The following XRCC2 variants were observed in gnomAD, a reference collection of about 807,000 sequenced individuals.
The protein encoded by XRCC2 is X-ray repair cross complementing 2.
A neutral mutation model predicts 27.3 loss-of-function variants in XRCC2; 24 were observed. The ratio of observed to expected loss-of-function variants is 0.88; its 90% CI spans 0.64 to 1.24. The LOEUF is 1.24. Among genes scored for constraint, XRCC2 ranks in the 50% most tolerant of loss-of-function variants. The probability of loss-of-function intolerance (pLI) is 0.00; values close to 1 mark genes in which losing one functional copy is unlikely to be tolerated. For missense variants in XRCC2, 321 were observed against 325.8 expected (o/e 0.99, Z 0.11); for synonymous variants, 106 against 115.4 (o/e 0.92, Z 0.52).
intron 1 of XRCC2, among the ~76,000 whole-genome samples, chr7:152,667,211 C>T (rs3218429): frequency 5.4e-4 from 82 of 151,356 alleles, no homozygotes; most frequent in African/African-American, 1.9e-3. Context: ...AGTTCGAGAC[C>T]AGCCTGACCA....
chr7:152,674,260 C>T (rs2098039383), intron 1 of XRCC2, among the ~76,000 whole-genome samples: 1 of 152,094 alleles, frequency 6.6e-6, no homozygotes, highest in South Asian at 2.1e-4. Flanking sequence ...TTTTTGGATA[C>T]AAGGCTTGTT....
rs949072067 is a variant in XRCC2 at position 152,653,103 on chromosome 7, G to A, written c.122-3740C>T. ...ACGTATTGTGGGAGGGACCCAGTGG[G>A]GGTAATTGAATCATGGGGGCGGGTC... On this transcript the variant is annotated intron_variant, in intron 2 of 2. Transcript: ENST00000359321. Among the ~76,000 whole-genome samples, 5 of 152,214 alleles carry A rather than the reference G, an allele frequency of 3.3e-5. No homozygotes were observed. The South Asian group carries it at 8.3e-4, about 25-fold the overall frequency.
chr7:152,653,967 A>C (rs1302496446), intron 2 of XRCC2, among the ~76,000 whole-genome samples: 2 of 152,110 alleles, frequency 1.3e-5, no homozygotes, highest in African/African-American at 4.8e-5. Context: ...AGGCTGAGGC[A>C]GGTGGATCAC....
In XRCC2 at chr7:152,647,223, A is replaced by G. The variant is rs774091481; in HGVS notation, c.*1419T>C. The G allele has an allele frequency of 1.3e-5, 2 of 152,130 alleles. No individual in the cohort carries two copies. Among genetic ancestry groups the G allele is most frequent in the Non-Finnish European group, 2.9e-5 (2 of 68,018 alleles). 9.4% of individuals were successfully genotyped at this position (152,130 alleles called of 1,614,324 possible). ...GTCTTCTTTTGAAAAGTGTCTGTTCATGTCCTTTGCCCACTTTTTAATGGG... is the reference window on the plus strand; with the variant it reads ...GTCTTCTTTTGAAAAGTGTCTGTTCGTGTCCTTTGCCCACTTTTTAATGGG... On this transcript the variant is annotated 3_prime_UTR_variant, in exon 3 of 3. Coordinates refer to ENST00000359321, the MANE Select transcript of XRCC2 (RefSeq NM_005431.2).
At chr7:152,655,881 A>G (rs1237410204) in intron 2 of XRCC2, among the ~76,000 whole-genome samples, 1 of 151,886 alleles carries the variant, frequency 6.6e-6, no homozygotes, top group Non-Finnish European at 1.5e-5. Context: ...GCATGGTAGC[A>G]TCTGCCTGTA....
chr7:152,664,319 ATTAAG>A (rs978650399), intron 1 of XRCC2, among the ~76,000 whole-genome samples: 10 of 152,164 alleles, frequency 6.6e-5, no homozygotes, highest in East Asian at 3.9e-4. Context: ...TGTCAACTAG[ATTAAG>A]TTAAGAGATG....
intron 1 of XRCC2, among the ~76,000 whole-genome samples, chr7:152,673,374 G>A (rs749354223): frequency 6.6e-6 from 1 of 151,738 alleles, no homozygotes; most frequent in Admixed American, 6.6e-5. Flanking sequence ...AGTAGAGACA[G>A]GGTTTCTCTC....
At position 152,648,880 on chromosome 7, in the gene XRCC2, G is replaced by A. The variant is rs1334975765; in HGVS notation, c.605C>T (p.Ala202Val). Reference protein sequence around the residue: ...FATTQTIMQKASSSSEEPSHA... With the variant: ...FATTQTIMQKVSSSSEEPSHA... ...AGAAGGTTCTTCTGATGAGCTCGAG[G>A]CTTTCTGCATTATAGTTTGTGTCGT... Residue 202 changes from alanine to valine, a missense_variant, in exon 3 of 3, where the codon GCC becomes GTC. Ala to Val is a moderately conservative substitution (Grantham distance 64, BLOSUM62 0). Transcript: ENST00000359321. 1.2e-5 allele frequency: 19 copies of A among 1,614,014 alleles called. No individual in the cohort carries two copies. Among genetic ancestry groups the A allele is most frequent in the Non-Finnish European group, 1.5e-5 (18 of 1,180,010 alleles).
chr7:152,674,740 AATATATTTTT>A (rs1640103278), intron 1 of XRCC2, among the ~76,000 whole-genome samples: 3 of 6,018 alleles, frequency 5.0e-4, no homozygotes, highest in African/African-American at 3.2e-3. Flanking sequence ...ATTATATATA[AATATATTTTT>A]AAATATATAT....
intron 1 of XRCC2, among the ~76,000 whole-genome samples, chr7:152,670,634 TG>T (rs891583152): frequency 6.6e-6 from 1 of 152,080 alleles, no homozygotes; most frequent in Non-Finnish European, 1.5e-5. Context: ...AGTCTCACTC[TG>T]TCACCCAGGC....
At chr7:152,655,140 A>C (rs1408808624) in intron 2 of XRCC2, among the ~76,000 whole-genome samples, 2 of 152,180 alleles carry the variant, frequency 1.3e-5, no homozygotes, top group African/African-American at 4.8e-5. Flanking sequence ...TATTAAACTA[A>C]ATCAGAAAAT....
At chr7:152,666,613 ATTCT>A (rs1239312134) in intron 1 of XRCC2, among the ~76,000 whole-genome samples, 8 of 146,768 alleles carry the variant, frequency 5.5e-5, no homozygotes, top group Non-Finnish European at 9.0e-5. Flanking sequence ...AAAAATACAG[ATTCT>A]TTATTTTTTT....
rs112146455 is a variant in XRCC2 at position 152,649,224 on chromosome 7, A to G, written c.261T>C (p.Phe87=). ...GAATTGTAACTAGCCGGAGCATATC[A>G]AAGTGGTAATCTGTATCAATAAATA... ...EVLFIDTDYH[F]DMLRLVTILE... The change falls in exon 3 of 3, where the codon TTT becomes TTC. Residue 87 remains phenylalanine (F), a synonymous_variant. Coordinates refer to ENST00000359321, the MANE Select transcript of XRCC2 (RefSeq NM_005431.2). 6.8e-6 allele frequency: 11 copies of G among 1,613,952 alleles called. No homozygotes were observed. The African/African-American group carries it at 1.3e-4, about 20-fold the overall frequency.
chr7:152,660,355 G>A (rs565587093), intron 2 of XRCC2, among the ~76,000 whole-genome samples: 24 of 152,178 alleles, frequency 1.6e-4, no homozygotes, highest in African/African-American at 5.8e-4. Context: ...CCCTGTTGTA[G>A]AAATACTAAC....
chr7:152,667,744 C>T (rs1046100084), intron 1 of XRCC2, among the ~76,000 whole-genome samples: 1 of 152,086 alleles, frequency 6.6e-6, no homozygotes, highest in Non-Finnish European at 1.5e-5. Flanking sequence ...TTACAATTAA[C>T]AATTGTAATT....
At chr7:152,661,967 C>G (rs1310421799) in intron 1 of XRCC2, among the ~76,000 whole-genome samples, 2 of 152,074 alleles carry the variant, frequency 1.3e-5, no homozygotes, top group African/African-American at 4.8e-5. Flanking sequence ...ATATTATCCA[C>G]TTCTTTTTCT....
intron 2 of XRCC2, among the ~76,000 whole-genome samples, chr7:152,652,857 G>A (rs1340195224): frequency 6.6e-6 from 1 of 152,178 alleles, no homozygotes; most frequent in Non-Finnish European, 1.5e-5. Flanking sequence ...AATGACAGGT[G>A]GAGTGTGTGG....
intron 2 of XRCC2, among the ~76,000 whole-genome samples, chr7:152,652,213 A>G (rs1464626236): frequency 6.6e-6 from 1 of 151,956 alleles, no homozygotes; most frequent in South Asian, 2.1e-4. Context: ...AAGGAGTAAA[A>G]CTATTTTCAT....
intron 1 of XRCC2, 49 bp downstream of exon 1, chr7:152,675,992 C>G (rs759932895): frequency 3.7e-6 from 6 of 1,612,032 alleles, no homozygotes; most frequent in Non-Finnish European, 5.1e-6. Context: ...CCCTCGCCCA[C>G]CGGCGGCCTT....
Sources: allele counts gnomAD v4.1 joint callset (sites outside exome capture counted in the v4.1 genomes callset), GRCh38; gene constraint gnomAD v4.1.1; transcripts MANE v1.5; gene names NCBI Gene and HGNC (gene_info 2026-07-23, HGNC 2026-07-21).